The following MGAM variants were observed in gnomAD, a reference collection of about 807,000 sequenced individuals.
MGAM encodes the protein maltase-glucoamylase.
Under a neutral mutation model 358.8 loss-of-function variants are expected in MGAM, and 253 were observed. That is an observed-to-expected ratio of 0.71 (90% CI 0.64 to 0.78). The LOEUF (loss-of-function observed/expected upper bound fraction) is 0.78, where lower values mean the gene tolerates loss of function less well. Among genes scored for constraint, MGAM ranks in the 30% least tolerant of loss-of-function variants. The pLI is 0.00. For synonymous variants in MGAM, 1,105 were observed against 1,227.1 expected (o/e 0.90, Z 2.08); for missense variants, 3,080 against 3,432.6 (o/e 0.90, Z 2.57).
intron 2 of MGAM, among the ~76,000 whole-genome samples, chr7:142,007,374 G>A (rs1447123485): frequency 6.6e-6 from 1 of 151,944 alleles, no homozygotes; most frequent in African/African-American, 2.4e-5. Context: ...GATTCATCTA[G>A]GATCAACTTC....
chr7:142,033,869 C>G (rs1462028641), intron 14 of MGAM, among the ~76,000 whole-genome samples: 1 of 152,310 alleles, frequency 6.6e-6, no homozygotes, highest in South Asian at 2.1e-4. Flanking sequence ...GACTGGAAAT[C>G]ATTCTCTACA....
At position 142,093,523 on chromosome 7, in the gene MGAM, G is replaced by T. The variant is rs748091195; in HGVS notation, c.7145G>T (p.Gly2382Val). 33 of 1,503,570 alleles carry T rather than the reference G, an allele frequency of 2.2e-5. 5 individuals carry two copies. The highest frequency in any genetic ancestry group is 2.6e-5 in the Non-Finnish European group (29 of 1,105,580). 93.1% of individuals were successfully genotyped at this position (1,503,570 alleles called of 1,614,324 possible). Reference protein sequence around the residue: ...VQHYNVHNLYGWSQTRPTYEA... With the variant: ...VQHYNVHNLYVWSQTRPTYEA... ...CACTACAATGTGCACAACCTGTACG[G>T]GTGGTCCCAGACCAGACCCACATAC... The change falls in exon 60 of 71, where the codon GGG becomes GTG. Residue 2382 changes from glycine to valine, a missense_variant. Physicochemically the swap from Gly to Val is moderately radical, Grantham distance 109. This residue lies in a region of MGAM where 932 missense variants were observed against 1,198.2 expected (regional missense o/e 0.78). Transcript: ENST00000475668.
At chr7:142,045,284 T>C (rs1218127503) in intron 21 of MGAM, among the ~76,000 whole-genome samples, 24 of 111,080 alleles carry the variant, frequency 2.2e-4, no homozygotes, top group East Asian at 1.8e-3. Flanking sequence ...ACCTATAATA[T>C]ATGATATATA....
At position 142,008,521 on chromosome 7, in the gene MGAM, C is replaced by T. The variant is rs199885071; in HGVS notation, c.143C>T (p.Thr48Ile). The T allele has an allele frequency of 3.7e-4, 597 of 1,610,566 alleles. 1 individual carries two copies. Among genetic ancestry groups the T allele is most frequent in the South Asian group, 1.9e-3 (171 of 90,852 alleles). The change falls in exon 3 of 71, where the codon ACA becomes ATA. Residue 48 changes from threonine to isoleucine, a missense_variant. Physicochemically the swap from Thr to Ile is moderately conservative, Grantham distance 89 (BLOSUM62 -1). This residue lies in a region of MGAM where 1,816 missense variants were observed against 1,840.5 expected (regional missense o/e 0.99). Coordinates refer to ENST00000475668, the MANE Select transcript of MGAM (RefSeq NM_001365693.1). ...TTTGGTATAGCCCCAGATCCTGGGA[C>T]AACTGGTACCCCAGATCCTGGGACA... is the stretch of plus-strand genomic sequence containing the variant. The part of the protein sequence containing the change: ...SLKSTAPDPG[T>I]TGTPDPGTTG...
intron 3 of MGAM, among the ~76,000 whole-genome samples, chr7:142,014,580 C>T (rs1278340488): frequency 6.6e-6 from 1 of 152,078 alleles, no homozygotes; most frequent in Non-Finnish European, 1.5e-5. Flanking sequence ...AAGTCCCCCA[C>T]GCATATCCCT....
intron 36 of MGAM, 108 bp from the exon 37 acceptor site, chr7:142,064,276 A>G (rs1812508700): frequency 4.0e-6 from 6 of 1,482,556 alleles, no homozygotes; most frequent in Non-Finnish European, 5.5e-6. Flanking sequence ...AGAGCGACAC[A>G]GGCAGGACTG....
Position 142,064,395 on chromosome 7 carries a change from A to G in MGAM, c.4357A>G (p.Arg1453Gly). Residue 1453 changes from arginine (R) to glycine (G), a missense_variant, in exon 37 of 71, where the codon AGG becomes GGG. This residue lies in a region of MGAM where 1,816 missense variants were observed against 1,840.5 expected (regional missense o/e 0.99). Transcript: ENST00000475668. ...TTCTTCCTCCTCAGATTTGGAGTCC[A>G]GGGACAGGGGCCTGAGCAGCAAGAC... ...HPPYMPHLES[R>G]DRGLSSKTLC... 6.2e-7 allele frequency: 1 copy of G among 1,608,374 alleles called. No individual in the cohort carries two copies. Among genetic ancestry groups the G allele is most frequent in the Non-Finnish European group, 8.5e-7 (1 of 1,177,486 alleles).
At chr7:141,990,103 T>C (rs1296729834) in intron 2 of MGAM, among the ~76,000 whole-genome samples, 4 of 151,958 alleles carry the variant, frequency 2.6e-5, no homozygotes, top group African/African-American at 7.3e-5. Flanking sequence ...TCTTAAGGAG[T>C]GGCTAGCACT....
intron 59 of MGAM, 67 bp from the exon 60 acceptor site, chr7:142,093,345 C>T (rs988767223): frequency 6.8e-7 from 1 of 1,479,046 alleles, no homozygotes; most frequent in Admixed American, 2.0e-5. Flanking sequence ...GGCCCAGTCC[C>T]TTGAAGAGAA....
At chr7:142,032,033 C>CTTTTT (rs371378447) in intron 13 of MGAM, among the ~76,000 whole-genome samples, 5 of 122,350 alleles carry the variant, frequency 4.1e-5, no homozygotes, top group South Asian at 2.7e-4. Context: ...AAGTCTAGCT[C>CTTTTT]TTTTTTTTTT....
At chr7:142,057,286 G>A (rs539498740) in intron 30 of MGAM, among the ~76,000 whole-genome samples, 3 of 151,660 alleles carry the variant, frequency 2.0e-5, no homozygotes, top group Admixed American at 6.6e-5. Flanking sequence ...TGGTAGTAGT[G>A]GTGTTGGTGA....
In MGAM at chr7:142,068,503, G is replaced by A. The variant is rs1813041852; in HGVS notation, c.5005-144G>A. 1.2e-5 allele frequency: 8 copies of A among 642,360 alleles called. No homozygotes were observed. In the East Asian group the frequency reaches 2.3e-4, roughly 18 times the overall value. 39.8% of individuals were successfully genotyped at this position (642,360 alleles called of 1,614,324 possible). ...GGTTTAAAAAAGAAAACAGGAAGAA[G>A]GTTGCCCCAGTTGTTAACCTCTTGG... On this transcript the variant is annotated intron_variant, in intron 42 of 70. Transcript: ENST00000475668.
At chr7:142,076,126 GA>G in intron 45 of MGAM, 76 bp from the exon 46 acceptor site, 1 of 1,143,196 alleles carries the variant, frequency 8.7e-7, no homozygotes, top group Non-Finnish European at 1.3e-6. Context: ...GGATGTAACT[GA>G]AAAGAGTGGG....
In MGAM at chr7:142,030,621, T is replaced by C; in HGVS notation, c.1354-20T>C. The C allele has an allele frequency of 6.2e-7, 1 of 1,605,280 alleles. No homozygotes were observed. The highest frequency in any genetic ancestry group is 8.5e-7 in the Non-Finnish European group (1 of 1,172,168). On this transcript the variant is annotated intron_variant, in intron 11 of 70. Transcript: ENST00000475668. ...TCCGGTTTCCAGCTAGTTTGTTCAT[T>C]GTATTCTTCCTATTTTTAGGATCCA...
At chr7:142,094,053 T>G (rs1815652941) in intron 60 of MGAM, among the ~76,000 whole-genome samples, 1 of 146,610 alleles carries the variant, frequency 6.8e-6, no homozygotes, top group Admixed American at 6.8e-5. Context: ...TAATCTTCAC[T>G]GTGTTCCTCC....
rs1406873894 is a variant in MGAM at position 142,079,181 on chromosome 7, C to A, written c.5847+173C>A. On this transcript the variant is annotated intron_variant, in intron 49 of 70. Transcript: ENST00000475668. The stretch of plus-strand genomic sequence containing the variant: ...GAACAATGAGACCTGCCCTAATTTT[C>A]ATTTGGAAAAGATTACTGTGGCTAC... 4.1e-5 allele frequency among the ~76,000 whole-genome samples: 6 copies of A among 145,960 alleles called. 2 individuals are homozygous for A. The highest frequency in any genetic ancestry group is 7.7e-5 in the Non-Finnish European group (5 of 64,548).
intron 2 of MGAM, among the ~76,000 whole-genome samples, chr7:141,989,782 A>G (rs1177839979): frequency 6.6e-6 from 1 of 152,162 alleles, no homozygotes; most frequent in Non-Finnish European, 1.5e-5. Flanking sequence ...AAAATTTAAC[A>G]TGAAAATACT....
intron 1 of MGAM, among the ~76,000 whole-genome samples, chr7:142,001,234 T>G (rs1402438081): frequency 1.3e-5 from 2 of 152,218 alleles, no homozygotes; most frequent in Non-Finnish European, 2.9e-5. Flanking sequence ...CAATCCTTGC[T>G]GTAGAGAAAG....
intron 32 of MGAM, 37 bp from the exon 33 acceptor site, chr7:142,059,819 C>T (rs748548117): frequency 5.4e-5 from 86 of 1,586,736 alleles, no homozygotes; most frequent in Non-Finnish European, 7.3e-5. Context: ...CATTCTCTGG[C>T]TTTGGTTTTC....
Sources: allele counts gnomAD v4.1 joint callset (sites outside exome capture counted in the v4.1 genomes callset), GRCh38; gene constraint gnomAD v4.1.1; regional missense constraint gnomAD v4.1.1; transcripts MANE v1.5; gene names NCBI Gene and HGNC (gene_info 2026-07-23, HGNC 2026-07-21).